Variants in SESN3 observed in about 807,000 individuals in gnomAD.
The protein encoded by SESN3 is sestrin 3, also known as sestrin-3.
In SESN3, 21 loss-of-function variants were observed where a neutral mutation model predicts 55.3. The ratio of observed to expected loss-of-function variants is 0.38; its 90% CI spans 0.27 to 0.55. The LOEUF (loss-of-function observed/expected upper bound fraction) is 0.55, where lower values mean the gene tolerates loss of function less well. Ranked by LOEUF, SESN3 falls within the 20% of genes least tolerant of loss-of-function variation. The probability of loss-of-function intolerance (pLI) is 0.76; values close to 1 mark genes in which losing one functional copy is unlikely to be tolerated. For missense variants in SESN3, 408 were observed against 604.3 expected (o/e 0.68, Z 3.41); for synonymous variants, 181 against 203.1 (o/e 0.89, Z 0.93).
chr11:95,188,551 G>A lies in SESN3; in HGVS notation c.525+1228C>T, dbSNP rs73530834. On this transcript the variant is annotated intron_variant, in intron 4 of 9. Transcript: ENST00000536441. ...CCAGTTCCCACCTTACATAAACATC[G>A]CTGCACTTCAATAATCTGAAACTGT... 4.5e-3 allele frequency among the ~76,000 whole-genome samples: 687 copies of A among 151,664 alleles called. 7 individuals carry two copies. The highest frequency in any genetic ancestry group is 0.015 in the African/African-American group (633 of 41,442).
chr11:95,204,658 A>C (rs1860515899), intron 1 of SESN3: 1 of 152,220 alleles, frequency 6.6e-6, no homozygotes, highest in Admixed American at 6.5e-5. Context: ...TTGAGGACAC[A>C]GTGCAAAGAT....
chr11:95,196,290 T>C (rs577406472), intron 1 of SESN3, among the ~76,000 whole-genome samples: 3 of 152,282 alleles, frequency 2.0e-5, no homozygotes, highest in African/African-American at 7.2e-5. Flanking sequence ...TGTCTATTCA[T>C]AGGAAGGTGA....
intron 6 of SESN3, among the ~76,000 whole-genome samples, chr11:95,181,724 C>A (rs1490004169): frequency 1.3e-5 from 2 of 152,042 alleles, no homozygotes; most frequent in Admixed American, 6.6e-5. Context: ...ACTTGAAAAA[C>A]TATTCTTAGA....
rs181145978 is a variant in SESN3, at chr11:95,184,621, T to C, written c.763-27A>G. On this transcript the variant is annotated intron_variant, in intron 5 of 9. Coordinates refer to ENST00000536441, the MANE Select transcript of SESN3 (RefSeq NM_144665.4). ...TGGAAACAGATAAGATAATGTTGGG[T>C]GCTATTCATACTAAAAGTGTTCCAG... 1.2e-3 allele frequency: 1,847 copies of C among 1,599,922 alleles called. 4 individuals carry two copies. The highest frequency in any genetic ancestry group is 1.4e-3 in the Non-Finnish European group (1,659 of 1,172,762).
chr11:95,223,269 C>A (rs1328444492), intron 1 of SESN3, among the ~76,000 whole-genome samples: 1 of 152,112 alleles, frequency 6.6e-6, no homozygotes, highest in Non-Finnish European at 1.5e-5. Context: ...CAGTACCCTG[C>A]ATTAATAGTT....
At chr11:95,212,490 GATA>G (rs1369063727) in intron 1 of SESN3, among the ~76,000 whole-genome samples, 3 of 151,836 alleles carry the variant, frequency 2.0e-5, no homozygotes, top group Admixed American at 6.6e-5. Flanking sequence ...GTTCCTAATA[GATA>G]ATATCTCTAG....
intron 1 of SESN3, among the ~76,000 whole-genome samples, chr11:95,199,780 A>G (rs1860428130): frequency 6.6e-6 from 1 of 152,092 alleles, no homozygotes; most frequent in Non-Finnish European, 1.5e-5. Context: ...TAAAATGTAA[A>G]TGTTGCTTAT....
At chr11:95,192,638 C>T (rs999831638) in intron 2 of SESN3, among the ~76,000 whole-genome samples, 1 of 152,156 alleles carries the variant, frequency 6.6e-6, no homozygotes, top group South Asian at 2.1e-4. Flanking sequence ...AAAATAAGTA[C>T]ACATTATACA....
Position 95,173,179 on chromosome 11 carries a change from A to G in SESN3, c.*76T>C, listed in dbSNP as rs1211064154. 1.8e-5 allele frequency: 15 copies of G among 814,370 alleles called. No individual in the cohort carries two copies. The highest frequency in any genetic ancestry group is 1.0e-4 in the African/African-American group (6 of 59,742). 50.4% of individuals were successfully genotyped at this position (814,370 alleles called of 1,614,324 possible). A position where few individuals can be genotyped will look rare whatever the true frequency, so the allele number is the denominator to read the frequency against. On this transcript the variant is annotated 3_prime_UTR_variant, in exon 10 of 10. Transcript: ENST00000536441. ...AGAGAACTGAATAATTTTTGATGCT[A>G]TATCACAAATAGCTTCAATGTTTAT...
chr11:95,222,775 T>C (rs1162511541), intron 1 of SESN3, among the ~76,000 whole-genome samples: 1 of 152,234 alleles, frequency 6.6e-6, no homozygotes, highest in Non-Finnish European at 1.5e-5. Flanking sequence ...CGTCAGACTT[T>C]TGAAGAACAG....
chr11:95,228,879 G>A (rs1176391187), intron 1 of SESN3, among the ~76,000 whole-genome samples: 1 of 152,110 alleles, frequency 6.6e-6, no homozygotes, highest in Non-Finnish European at 1.5e-5. Context: ...TAGGTAAACA[G>A]AAATAGTTTC....
chr11:95,228,953 T>A (rs773866926), intron 1 of SESN3, among the ~76,000 whole-genome samples: 7 of 152,230 alleles, frequency 4.6e-5, no homozygotes, highest in Non-Finnish European at 7.3e-5. Flanking sequence ...TCCATAGCCA[T>A]AGCTCTCTCA....
In SESN3 at chr11:95,175,521, G is replaced by T. The variant is rs764427282; in HGVS notation, c.1369C>A (p.Arg457=). Residue 457 remains arginine (R), a synonymous_variant, in exon 9 of 10, where the codon CGG becomes AGG. Transcript: ENST00000536441. ...ACTTTTTCTGAGTGTTTGAACTGCC[G>T]CCAGTAACTATCATACATGCGTTTT... ...TTKRMYDSYW[R]QFKHSEKVHV... is the part of the protein sequence containing the mutation. The T allele has an allele frequency of 3.1e-6, 5 of 1,613,710 alleles. No individual in the cohort carries two copies. The highest frequency in any genetic ancestry group is 2.2e-5 in the South Asian group (2 of 91,064).
chr11:95,230,719 G>A lies in SESN3; in HGVS notation c.78+64C>T. ...TCCCCCAGTGCGCGCCCGGGGACGA[G>A]CCGCCCGAGCCCCGGCCGGCAGGAA... On this transcript the variant is annotated intron_variant, in intron 1 of 9. Coordinates refer to ENST00000536441, the MANE Select transcript of SESN3 (RefSeq NM_144665.4). The surrounding 1 kb of genome is among the most constrained non-coding windows in gnomAD (Gnocchi z 4.6). 2 of 1,313,692 alleles carry A rather than the reference G, an allele frequency of 1.5e-6. No individual in the cohort carries two copies. 81.4% of individuals were successfully genotyped at this position (1,313,692 alleles called of 1,614,324 possible). A position where few individuals can be genotyped will look rare whatever the true frequency, so the allele number is the denominator to read the frequency against.
At chr11:95,226,492 A>G (rs189689373) in intron 1 of SESN3, among the ~76,000 whole-genome samples, 94 of 152,328 alleles carry the variant, frequency 6.2e-4, no homozygotes, top group Non-Finnish European at 9.1e-4. Flanking sequence ...AACCTGAACT[A>G]TAAAGCATAT....
intron 1 of SESN3, among the ~76,000 whole-genome samples, chr11:95,214,239 A>C (rs1255589655): frequency 1.3e-5 from 2 of 152,220 alleles, no homozygotes; most frequent in South Asian, 2.1e-4. Flanking sequence ...GCCCATGCGT[A>C]AGGAACTTTG....
At chr11:95,221,835 C>T (rs1446897142) in intron 1 of SESN3, among the ~76,000 whole-genome samples, 1 of 152,130 alleles carries the variant, frequency 6.6e-6, no homozygotes, top group Non-Finnish European at 1.5e-5. Flanking sequence ...AATATACTGG[C>T]CCATAGACCA....
At position 95,175,698 on chromosome 11, in the gene SESN3, A is replaced by G. The variant is rs555686768; in HGVS notation, c.1248-56T>C. The G allele has an allele frequency of 2.6e-5, 36 of 1,405,846 alleles. No homozygotes were observed. In the East Asian group the frequency reaches 4.6e-4, roughly 18 times the overall value. 87.1% of individuals were successfully genotyped at this position (1,405,846 alleles called of 1,614,324 possible). A position where few individuals can be genotyped will look rare whatever the true frequency, so the allele number is the denominator to read the frequency against. Reference sequence around the variant, plus strand: ...GACAAAATCAAAATATTTAGTTTCCAAAGTTATACTAAGGACATTTATTGT... The same window carrying G: ...GACAAAATCAAAATATTTAGTTTCCGAAGTTATACTAAGGACATTTATTGT... On this transcript the variant is annotated intron_variant, in intron 8 of 9. Coordinates refer to ENST00000536441, the MANE Select transcript of SESN3 (RefSeq NM_144665.4).
intron 1 of SESN3, among the ~76,000 whole-genome samples, chr11:95,215,883 G>A (rs1475302475): frequency 6.6e-6 from 1 of 152,012 alleles, no homozygotes; most frequent in African/African-American, 2.4e-5. Flanking sequence ...CGGATCACGA[G>A]GTCAGGAGAT....
Sources: allele counts gnomAD v4.1 joint callset (sites outside exome capture counted in the v4.1 genomes callset), GRCh38; gene constraint gnomAD v4.1.1; non-coding constraint Gnocchi (gnomAD v3.1); transcripts MANE v1.5; gene names NCBI Gene and HGNC (gene_info 2026-07-23, HGNC 2026-07-21).